FBN1: variants seen among roughly 807,000 people sequenced by gnomAD.
FBN1 encodes fibrillin 1.
In FBN1, 29 loss-of-function variants were observed where a neutral mutation model predicts 365.1. That is an observed-to-expected ratio of 0.08 (90% CI 0.06 to 0.11). The LOEUF (loss-of-function observed/expected upper bound fraction) is 0.11. FBN1 is among the 10% of genes least tolerant of loss of function. The pLI is 1.00. For missense variants in FBN1, 2,476 were observed against 3,703.2 expected (o/e 0.67, Z 8.60); for synonymous variants, 1,210 against 1,270.5 (o/e 0.95, Z 1.01).
chr15:48,487,818 G>C (rs565108532), intron 27 of FBN1, among the ~76,000 whole-genome samples: 1 of 152,196 alleles, frequency 6.6e-6, no homozygotes, highest in Admixed American at 6.5e-5. Flanking sequence ...CAGACATCTT[G>C]TAAAGGGACC....
intron 50 of FBN1, among the ~76,000 whole-genome samples, chr15:48,439,651 T>C (rs987722453): frequency 2.0e-5 from 3 of 152,208 alleles, no homozygotes; most frequent in Non-Finnish European, 1.5e-5. Context: ...TCTTTAAATA[T>C]GTATGTTGTA....
In FBN1 at chr15:48,437,030, T is replaced by A. The variant is rs779072283; in HGVS notation, c.6427A>T (p.Ile2143Phe). ...EPDVCKHGQC[I>F]NTDGSYRCEC... ...CAGCGATAGGAACCATCTGTATTGA[T>A]GCACTGTCCATGTTTACAGACATCG... The change falls in exon 53 of 66, where the codon ATC becomes TTC. Residue 2143 changes from isoleucine (I) to phenylalanine (F), a missense_variant. Transcript: ENST00000316623. 6.2e-6 allele frequency: 10 copies of A among 1,613,592 alleles called. No individual in the cohort carries two copies. In the South Asian group the frequency reaches 1.1e-4, roughly 18 times the overall value.
chr15:48,423,403 T>A (rs9920665), intron 60 of FBN1, among the ~76,000 whole-genome samples: 136,359 of 152,128 alleles, frequency 0.9, 61,221 homozygotes, highest in African/African-American at 0.94. Context: ...CTTATAATGC[T>A]GCCTGTCCTG....
At chr15:48,483,719 T>C in intron 31 of FBN1, 99 bp downstream of exon 31, 1 of 1,390,922 alleles carries the variant, frequency 7.2e-7, no homozygotes. Context: ...TTACTTTTCC[T>C]ATGGAATCTT....
intron 14 of FBN1, 62 bp downstream of exon 14, chr15:48,509,982 A>G: frequency 6.4e-7 from 1 of 1,574,390 alleles, no homozygotes; most frequent in Non-Finnish European, 8.7e-7. Context: ...GGTCTTGTTA[A>G]AGACCCCTGA....
intron 6 of FBN1, among the ~76,000 whole-genome samples, chr15:48,570,766 A>G (rs540036982): frequency 1.7e-4 from 26 of 152,358 alleles, no homozygotes; most frequent in African/African-American, 6.3e-4. Context: ...GAGCTAAAAA[A>G]GAAAGCCTTT....
intron 46 of FBN1, 136 bp downstream of exon 46, chr15:48,448,632 G>A: frequency 1.3e-6 from 1 of 741,928 alleles, no homozygotes; most frequent in Non-Finnish European, 2.2e-6. Context: ...TATCACTGCT[G>A]CATATCTGTC....
intron 2 of FBN1, among the ~76,000 whole-genome samples, chr15:48,639,702 G>A (rs1276801923): frequency 1.3e-5 from 2 of 152,184 alleles, no homozygotes; most frequent in African/African-American, 2.4e-5. Flanking sequence ...AAACTATCAT[G>A]TGCCTGAGTT....
intron 6 of FBN1, among the ~76,000 whole-genome samples, chr15:48,586,859 A>G (rs921686531): frequency 4.6e-5 from 7 of 152,250 alleles, no homozygotes; most frequent in Non-Finnish European, 5.9e-5. Flanking sequence ...AATGACTGTC[A>G]AAATAATAAG....
At chr15:48,605,420 C>T (rs2044599573) in intron 4 of FBN1, among the ~76,000 whole-genome samples, 2 of 152,142 alleles carry the variant, frequency 1.3e-5, no homozygotes, top group Admixed American at 6.5e-5. Flanking sequence ...AATTTGAAAA[C>T]ATTTGCTCTA....
chr15:48,584,216 T>A lies in FBN1; in HGVS notation c.538+12067A>T, dbSNP rs139349811. 6.3e-3 allele frequency among the ~76,000 whole-genome samples: 966 copies of A among 152,318 alleles called. 12 individuals are homozygous for A. The highest frequency in any genetic ancestry group is 0.022 in the African/African-American group (923 of 41,566). On this transcript the variant is annotated intron_variant, in intron 6 of 65. Coordinates refer to ENST00000316623, the MANE Select transcript of FBN1 (RefSeq NM_000138.5). ...TAATCTTCCTGACAATCTTACTAGA[T>A]AAATACTATAATTACCCTCATTGTA...
At chr15:48,439,307 T>C (rs2043095339) in intron 50 of FBN1, among the ~76,000 whole-genome samples, 1 of 152,198 alleles carries the variant, frequency 6.6e-6, no homozygotes, top group South Asian at 2.1e-4. Context: ...CACTTCCCCA[T>C]CTGTTGTGGC....
chr15:48,450,312 A>G (rs2043191340), intron 45 of FBN1, among the ~76,000 whole-genome samples: 1 of 152,184 alleles, frequency 6.6e-6, no homozygotes. Context: ...GAGAGCCTTA[A>G]GGATCTTATT....
At position 48,537,678 on chromosome 15, in the gene FBN1, C is replaced by T. The variant is rs910928261; in HGVS notation, c.669G>A (p.Met223Ile). The change falls in exon 7 of 66, where the codon ATG (methionine) becomes ATA (isoleucine). Residue 223 changes from methionine (M) to isoleucine (I), a missense_variant. Physicochemically the swap from Met to Ile is conservative, Grantham distance 10. Coordinates refer to ENST00000316623, the MANE Select transcript of FBN1 (RefSeq NM_000138.5). ...VGRAWGHPCEMCPAQPHPCRR... is the reference protein window; with the variant it reads ...VGRAWGHPCEICPAQPHPCRR... ...GGCAGGGGTGAGGCTGGGCAGGACA[C>T]ATCTCACAGGGGTGGCCCCAGGCTC... 2 of 1,614,234 alleles carry T rather than the reference C, an allele frequency of 1.2e-6. No individual in the cohort carries two copies. The highest frequency in any genetic ancestry group is 1.1e-5 in the South Asian group (1 of 91,086).
intron 43 of FBN1, 46 bp downstream of exon 43, chr15:48,460,200 C>A: frequency 6.9e-7 from 1 of 1,455,928 alleles, no homozygotes; most frequent in Non-Finnish European, 9.6e-7. Context: ...AATGCTAACA[C>A]AAAGGCAAAA....
Position 48,634,857 on chromosome 15 carries a change from C to CA in FBN1, c.164+9748_164+9749insT, listed in dbSNP as rs1491343326. Reference sequence around the variant, plus strand: ...AGAAACCAAAAAAAAAAAAAAAAAACCACACACACACACACACACACACAC... The same window carrying CA: ...AGAAACCAAAAAAAAAAAAAAAAAACACACACACACACACACACACACACAC... On this transcript the variant is annotated intron_variant, in intron 2 of 65. Coordinates refer to ENST00000316623, the MANE Select transcript of FBN1 (RefSeq NM_000138.5). Among the ~76,000 whole-genome samples, 598 of 69,018 alleles carry CA rather than the reference C, an allele frequency of 8.7e-3. 4 individuals carry two copies. Among genetic ancestry groups the CA allele is most frequent in the Middle Eastern group, 0.036 (4 of 110 alleles). The allele number at this position is 69,018 out of a possible 152,430, so 45.3% of individuals were successfully genotyped here.
intron 36 of FBN1, 100 bp from the exon 37 acceptor site, chr15:48,468,634 T>C: frequency 2.4e-6 from 3 of 1,264,716 alleles, no homozygotes; most frequent in Non-Finnish European, 3.4e-6. Flanking sequence ...AAACAAGAAT[T>C]TTAAAGCTAC....
chr15:48,552,033 G>T (rs1439140384), intron 6 of FBN1, among the ~76,000 whole-genome samples: 1 of 152,146 alleles, frequency 6.6e-6, no homozygotes, highest in East Asian at 1.9e-4. Context: ...TAGTGGTATT[G>T]CTGGGTCAAA....
intron 6 of FBN1, among the ~76,000 whole-genome samples, chr15:48,561,586 T>C (rs570640679): frequency 9.8e-5 from 15 of 152,294 alleles, no homozygotes; most frequent in African/African-American, 3.4e-4. Context: ...TCAAGCTCCA[T>C]TACACTCAAT....
Sources: gnomAD v4.1 joint callset for allele counts (sites outside exome capture counted in the v4.1 genomes callset) on GRCh38, gnomAD v4.1.1 for gene constraint, MANE v1.5 for transcripts, NCBI Gene and HGNC (gene_info 2026-07-23, HGNC 2026-07-21) for gene names.